The following SRGAP1 variants were observed in gnomAD, a reference collection of about 807,000 sequenced individuals.
SRGAP1 encodes SLIT-ROBO Rho GTPase activating protein 1, also known as SLIT-ROBO Rho GTPase-activating protein 1.
A neutral mutation model predicts 121.9 loss-of-function variants in SRGAP1; 43 were observed. The observed-to-expected ratio is 0.35, with a 90% CI of 0.28 to 0.46. The LOEUF is 0.46. Among genes scored for constraint, SRGAP1 ranks in the 20% least tolerant of loss-of-function variants. SRGAP1 has a pLI of 1.00. For synonymous variants in SRGAP1, 447 were observed against 485.4 expected (o/e 0.92, Z 1.04); for missense variants, 1,102 against 1,350.9 (o/e 0.82, Z 2.89).
chr12:63,930,772 A>C (rs2136337360), intron 1 of SRGAP1, among the ~76,000 whole-genome samples: 1 of 152,320 alleles, frequency 6.6e-6, no homozygotes, highest in South Asian at 2.1e-4. Context: ...AAATTCAAAA[A>C]GCGTCAAGAA....
At chr12:63,902,012 C>A (rs143673764) in intron 1 of SRGAP1, among the ~76,000 whole-genome samples, 1 of 152,150 alleles carries the variant, frequency 6.6e-6, no homozygotes, top group African/African-American at 2.4e-5. Context: ...AAAATCAAGA[C>A]ATGTTTTACA....
intron 1 of SRGAP1, among the ~76,000 whole-genome samples, chr12:63,881,785 A>G (rs1900203574): frequency 6.6e-6 from 1 of 152,146 alleles, no homozygotes. Context: ...GTTCTAACAT[A>G]TTTTTGCCCT....
At chr12:63,912,890 A>G (rs2030567597) in intron 1 of SRGAP1, among the ~76,000 whole-genome samples, 1 of 152,106 alleles carries the variant, frequency 6.6e-6, no homozygotes, top group South Asian at 2.1e-4. Context: ...AATAAGCTCC[A>G]CCTAGAAGGA....
At chr12:64,077,779 TATTAAA>T (rs1366692551) in intron 8 of SRGAP1, among the ~76,000 whole-genome samples, 3 of 152,096 alleles carry the variant, frequency 2.0e-5, no homozygotes, top group Non-Finnish European at 2.9e-5. Flanking sequence ...AAATGCATTA[TATTAAA>T]ATTAGAATCT....
intron 4 of SRGAP1, chr12:64,038,715 G>A (rs2034949744): frequency 6.6e-6 from 1 of 152,114 alleles, no homozygotes; most frequent in African/African-American, 2.4e-5. Flanking sequence ...TCATGACGTG[G>A]GTCGTTTTCT....
At chr12:64,050,495 A>G (rs988410996) in intron 6 of SRGAP1, among the ~76,000 whole-genome samples, 2 of 152,142 alleles carry the variant, frequency 1.3e-5, no homozygotes, top group Non-Finnish European at 2.9e-5. Context: ...AGAGTATGAA[A>G]TGATATTTTA....
intron 1 of SRGAP1, among the ~76,000 whole-genome samples, chr12:63,855,505 T>TTTTTTTTTG (rs1899218565): frequency 1.0e-5 from 1 of 100,332 alleles, no homozygotes; most frequent in African/African-American, 4.5e-5. Flanking sequence ...TTTTTTTTTT[T>TTTTTTTTTG]GAGGGAGAGT....
chr12:64,044,008 T>C (rs1285770961), intron 6 of SRGAP1, among the ~76,000 whole-genome samples: 1 of 152,158 alleles, frequency 6.6e-6, no homozygotes, highest in Admixed American at 6.6e-5. Context: ...ACTTAAGAAA[T>C]GATTAAATGG....
chr12:64,064,765 G>A (rs765505297), intron 7 of SRGAP1, among the ~76,000 whole-genome samples: 11 of 152,046 alleles, frequency 7.2e-5, no homozygotes, highest in East Asian at 1.9e-4. Context: ...ACTTATGTCC[G>A]TACAATCCAC....
At chr12:64,141,703 G>T (rs769483299) in intron 21 of SRGAP1, among the ~76,000 whole-genome samples, 2 of 152,074 alleles carry the variant, frequency 1.3e-5, no homozygotes, top group Non-Finnish European at 2.9e-5. Context: ...TATAATCCCA[G>T]CACTTTAGGA....
intron 1 of SRGAP1, among the ~76,000 whole-genome samples, chr12:63,900,198 C>CTTTTTCTTT (rs59837977): frequency 0.58 from 57,054 of 99,004 alleles, 15,522 homozygotes; most frequent in Admixed American, 0.6. Context: ...TTTTCTTTTT[C>CTTTTTCTTT]TTTTTCTTTT....
intron 1 of SRGAP1, among the ~76,000 whole-genome samples, chr12:63,931,802 G>A (rs1257035135): frequency 3.3e-5 from 5 of 152,170 alleles, no homozygotes; most frequent in Non-Finnish European, 2.9e-5. Context: ...GTGGATAAGA[G>A]TTTTAACATG....
chr12:63,955,944 CA>C (rs2032450146), intron 1 of SRGAP1, among the ~76,000 whole-genome samples: 3 of 152,152 alleles, frequency 2.0e-5, no homozygotes, highest in Non-Finnish European at 2.9e-5. Context: ...TCTGTGTTCT[CA>C]AAAGGCTCCG....
intron 1 of SRGAP1, among the ~76,000 whole-genome samples, chr12:63,939,004 A>C (rs543908548): frequency 7.0e-4 from 103 of 146,738 alleles, no homozygotes; most frequent in African/African-American, 2.7e-3. Context: ...AAAAATACAA[A>C]AATTAGCCAG....
Position 64,141,611 on chromosome 12 carries a change from A to G in SRGAP1, c.2881-684A>G, listed in dbSNP as rs2036965021. Among the ~76,000 whole-genome samples the G allele has an allele frequency of 2.0e-5, 3 of 152,174 alleles. No individual in the cohort carries two copies. The South Asian group carries it at 6.2e-4, about 32-fold the overall frequency. On this transcript the variant is annotated intron_variant, in intron 21 of 21. Coordinates refer to ENST00000355086, the MANE Select transcript of SRGAP1 (RefSeq NM_020762.4). ...GGAAAAAGTTGAAAATCTTTTTTTC[A>G]AAAGTTTTCATAAACTTTTATCATA...
intron 1 of SRGAP1, chr12:63,872,043 A>G (rs1565929471): frequency 2.6e-6 from 2 of 778,438 alleles, no homozygotes. Context: ...TACGTTGACC[A>G]TCTTTGCAGC....
In SRGAP1 at chr12:64,127,656, G is replaced by A. The variant is rs142356111; in HGVS notation, c.2472G>A (p.Thr824=). The A allele has an allele frequency of 2.0e-5, 33 of 1,613,892 alleles. No individual in the cohort carries two copies. Among genetic ancestry groups the A allele is most frequent in the Middle Eastern group, 1.6e-4 (1 of 6,084 alleles). Residue 824 remains threonine, a synonymous_variant, in exon 20 of 22, where the codon ACG becomes ACA. Coordinates refer to ENST00000355086, the MANE Select transcript of SRGAP1 (RefSeq NM_020762.4). ...ADSEASSGPV[T]EDKSSSKDMN... is the part of the protein sequence containing the mutation. ...GTGAGGCCAGCAGTGGGCCAGTCAC[G>A]GAAGACAAGTCCTCATCCAAGGACA...
intron 3 of SRGAP1, among the ~76,000 whole-genome samples, chr12:63,994,808 G>C (rs140974965): frequency 2.5e-4 from 38 of 152,300 alleles, no homozygotes; most frequent in African/African-American, 8.2e-4. Flanking sequence ...CTCTTGCCCT[G>C]TTCTCCAGCT....
intron 3 of SRGAP1, among the ~76,000 whole-genome samples, chr12:63,996,634 T>C (rs2033717748): frequency 6.6e-6 from 1 of 152,152 alleles, no homozygotes. Flanking sequence ...CTAACACATA[T>C]AGTTTAGTAT....
Sources: allele counts gnomAD v4.1 joint callset (sites outside exome capture counted in the v4.1 genomes callset), GRCh38; gene constraint gnomAD v4.1.1; transcripts MANE v1.5; gene names NCBI Gene and HGNC (gene_info 2026-07-23, HGNC 2026-07-21).